Variants in FARS2 observed in about 807,000 individuals in gnomAD.
FARS2 encodes the protein phenylalanine--tRNA ligase, mitochondrial.
FARS2 carries 40 observed loss-of-function variants against 46.4 expected under a neutral mutation model. The ratio of observed to expected loss-of-function variants is 0.86; its 90% CI spans 0.67 to 1.12. The LOEUF is 1.12. Among genes scored for constraint, FARS2 ranks in the 50% most tolerant of loss-of-function variants. The pLI is 0.00. For missense variants in FARS2, 513 were observed against 567.9 expected (o/e 0.90, Z 0.98); for synonymous variants, 234 against 214.9 (o/e 1.09, Z -0.78).
intron 6 of FARS2, among the ~76,000 whole-genome samples, chr6:5,615,573 G>C (rs145093281): frequency 2.6e-5 from 4 of 152,106 alleles, no homozygotes; most frequent in Non-Finnish European, 1.5e-5. Flanking sequence ...CAGAAATTTC[G>C]TATGCTCCAA....
chr6:5,490,325 TG>T (rs1436634322), intron 4 of FARS2, among the ~76,000 whole-genome samples: 1 of 152,254 alleles, frequency 6.6e-6, no homozygotes, highest in African/African-American at 2.4e-5. Context: ...GCTTCCAGTT[TG>T]GGGCTGTTGT....
At chr6:5,394,471 C>T (rs7771791) in intron 2 of FARS2, among the ~76,000 whole-genome samples, 39,400 of 152,030 alleles carry the variant, frequency 0.26, 5,244 homozygotes, top group Middle Eastern at 0.32. Flanking sequence ...CCATGGTGTT[C>T]GCACAATGAC....
intron 4 of FARS2, among the ~76,000 whole-genome samples, chr6:5,539,384 G>GTGTGTGTATATATATATATATA: frequency 1.3e-5 from 1 of 79,580 alleles, no homozygotes; most frequent in Admixed American, 1.2e-4. Flanking sequence ...TTTTTTTTGT[G>GTGTGTGTATATATATATATATA]TATATATATA....
intron 6 of FARS2, chr6:5,665,302 A>AGGGG: frequency 6.6e-6 from 1 of 152,584 alleles, no homozygotes; most frequent in African/African-American, 2.4e-5. Context: ...GGCTCTCTCC[A>AGGGG]GGGGTGGCTG....
rs1190054928 is a variant in FARS2, at chr6:5,717,925, TATATATATATAC to T, written c.1218-53364_1218-53353del. 4.7e-3 allele frequency among the ~76,000 whole-genome samples: 214 copies of T among 45,590 alleles called. 8 individuals carry two copies. The highest frequency in any genetic ancestry group is 0.038 in the African/African-American group (207 of 5,486). The allele number at this position is 45,590 out of a possible 152,430, so 29.9% of individuals were successfully genotyped here. On this transcript the variant is annotated intron_variant, in intron 6 of 6. Coordinates refer to ENST00000274680, the MANE Select transcript of FARS2 (RefSeq NM_006567.5). ...GGTATCAGCTATATATATATATATA[TATATATATATAC>T]AGAGTCTCACTCTGTCGCCCAGGCT...
At chr6:5,308,789 A>G (rs529839829) in intron 1 of FARS2, among the ~76,000 whole-genome samples, 5 of 152,348 alleles carry the variant, frequency 3.3e-5, no homozygotes, top group African/African-American at 1.2e-4. Context: ...ACAAAATATC[A>G]TAAACTGGGT....
chr6:5,501,493 T>A (rs1561667090), intron 4 of FARS2, among the ~76,000 whole-genome samples: 2 of 151,948 alleles, frequency 1.3e-5, no homozygotes, highest in Non-Finnish European at 2.9e-5. Context: ...TTTATTTTAT[T>A]TTTATTTATT....
intron 4 of FARS2, among the ~76,000 whole-genome samples, chr6:5,462,227 C>A (rs200206): frequency 6.6e-6 from 1 of 151,990 alleles, no homozygotes; most frequent in African/African-American, 2.4e-5. Context: ...TCAAATATTG[C>A]GCCCATTTTT....
Position 5,628,819 on chromosome 6 carries a change from G to A in FARS2, c.1217+15499G>A, listed in dbSNP as rs150981832. On this transcript the variant is annotated intron_variant, in intron 6 of 6. Coordinates refer to ENST00000274680, the MANE Select transcript of FARS2 (RefSeq NM_006567.5). ...AGTCCTTCCTCAGATTCCCTAAGCC[G>A]GTGGTAACTCTCCTGTTGTTTAAGC... is the stretch of plus-strand genomic sequence containing the variant. 4.9e-3 allele frequency among the ~76,000 whole-genome samples: 751 copies of A among 152,274 alleles called. 3 individuals are homozygous for A. The highest frequency in any genetic ancestry group is 0.024 in the Middle Eastern group (7 of 294).
chr6:5,521,268 G>A (rs1031610383), intron 4 of FARS2, among the ~76,000 whole-genome samples: 4 of 151,534 alleles, frequency 2.6e-5, no homozygotes, highest in African/African-American at 9.7e-5. Context: ...GGGAAATTCT[G>A]TACTGACATT....
chr6:5,621,177 C>G (rs1775754478), intron 6 of FARS2, among the ~76,000 whole-genome samples: 2 of 151,870 alleles, frequency 1.3e-5, no homozygotes, highest in Non-Finnish European at 2.9e-5. Context: ...GAGTGCAACT[C>G]CTAGGCTCAA....
intron 6 of FARS2, among the ~76,000 whole-genome samples, chr6:5,657,154 A>G (rs1777642593): frequency 1.3e-5 from 2 of 152,180 alleles, no homozygotes; most frequent in Admixed American, 6.5e-5. Flanking sequence ...CTTTTCAACT[A>G]TTATCTCTTT....
chr6:5,420,106 G>A (rs1251218953), intron 3 of FARS2, among the ~76,000 whole-genome samples: 1 of 152,176 alleles, frequency 6.6e-6, no homozygotes, highest in Non-Finnish European at 1.5e-5. Flanking sequence ...AGCTTGTGCA[G>A]GGAAACTCCC....
At chr6:5,364,635 A>G (rs1758530009) in intron 1 of FARS2, among the ~76,000 whole-genome samples, 7 of 152,228 alleles carry the variant, frequency 4.6e-5, no homozygotes. Context: ...GAGCAACACA[A>G]TCTCTATAGC....
intron 4 of FARS2, among the ~76,000 whole-genome samples, chr6:5,465,944 G>A (rs1765490214): frequency 6.6e-6 from 1 of 152,050 alleles, no homozygotes; most frequent in East Asian, 1.9e-4. Context: ...TGCTTCCACT[G>A]TAGGAGAATC....
intron 5 of FARS2, among the ~76,000 whole-genome samples, chr6:5,595,236 A>G (rs989821540): frequency 3.9e-5 from 6 of 152,182 alleles, no homozygotes; most frequent in Non-Finnish European, 7.4e-5. Flanking sequence ...AAAAGTCTAA[A>G]AGACCCTCAG....
intron 1 of FARS2, among the ~76,000 whole-genome samples, chr6:5,263,259 A>G (rs1765320540): frequency 6.6e-6 from 1 of 152,224 alleles, no homozygotes; most frequent in African/African-American, 2.4e-5. Context: ...CTTTGTTGTA[A>G]TCAAATAAAA....
intron 2 of FARS2, among the ~76,000 whole-genome samples, chr6:5,394,506 CA>C (rs1384629265): frequency 6.6e-6 from 1 of 152,136 alleles, no homozygotes; most frequent in Non-Finnish European, 1.5e-5. Flanking sequence ...AAGCATTTTT[CA>C]GAGTGTATCC....
At chr6:5,264,918 T>C (rs1356774165) in intron 1 of FARS2, among the ~76,000 whole-genome samples, 7 of 151,948 alleles carry the variant, frequency 4.6e-5, no homozygotes, top group Non-Finnish European at 7.4e-5. Flanking sequence ...CTCAGCCTCC[T>C]GAGTAGCTAG....
Sources: gnomAD v4.1 joint callset for allele counts (sites outside exome capture counted in the v4.1 genomes callset) on GRCh38, gnomAD v4.1.1 for gene constraint, MANE v1.5 for transcripts, NCBI Gene and HGNC (gene_info 2026-07-23, HGNC 2026-07-21) for gene names.